The following FAM110B variants were observed in gnomAD, a reference collection of about 807,000 sequenced individuals.
The protein encoded by FAM110B is protein FAM110B.
FAM110B carries 6 observed loss-of-function variants against 20.4 expected under a neutral mutation model. That is an observed-to-expected ratio of 0.29 (90% CI 0.16 to 0.58). The LOEUF (loss-of-function observed/expected upper bound fraction) is 0.58. FAM110B is among the 20% of genes least tolerant of loss of function. FAM110B has a pLI of 0.90. For missense variants in FAM110B, 434 were observed against 498.2 expected (o/e 0.87, Z 1.23); for synonymous variants, 226 against 214.1 (o/e 1.06, Z -0.49).
chr8:58,046,879 T>C (rs1805329652), intron 2 of FAM110B, among the ~76,000 whole-genome samples: 1 of 152,166 alleles, frequency 6.6e-6, no homozygotes, highest in Non-Finnish European at 1.5e-5. Flanking sequence ...GAATGTGCAA[T>C]GTTTGGGTGG....
chr8:58,086,471 T>C (rs754032324), intron 3 of FAM110B, among the ~76,000 whole-genome samples: 2 of 152,234 alleles, frequency 1.3e-5, no homozygotes. Context: ...AACCATTTTA[T>C]GATTATTAGA....
At chr8:58,027,281 C>T (rs1040852407) in intron 1 of FAM110B, among the ~76,000 whole-genome samples, 24 of 151,980 alleles carry the variant, frequency 1.6e-4, no homozygotes, top group African/African-American at 5.8e-4. Context: ...ATTGGTTTTT[C>T]TTTTTTGTGG....
At chr8:58,111,388 T>A (rs977236491) in intron 3 of FAM110B, among the ~76,000 whole-genome samples, 1 of 152,214 alleles carries the variant, frequency 6.6e-6, no homozygotes, top group African/African-American at 2.4e-5. Flanking sequence ...ACTCAGTAGA[T>A]TCAAAGCAGG....
At position 58,147,211 on chromosome 8, in the gene FAM110B, C is replaced by T; in HGVS notation, c.981C>T (p.Asp327=). ...DCEQSQDSNS[D]LRNDDSANDR... is the part of the protein sequence containing the mutation. ...AACAGTCTCAGGACAGTAACAGTGA[C>T]CTTAGAAATGATGACAGTGCCAATG... The change falls in exon 4 of 4, where the codon GAC becomes GAT. Residue 327 remains aspartate (D), a synonymous_variant. Transcript: ENST00000519262. 6.2e-7 allele frequency: 1 copy of T among 1,614,094 alleles called. No individual in the cohort carries two copies. The highest frequency in any genetic ancestry group is 8.5e-7 in the Non-Finnish European group (1 of 1,180,014).
chr8:58,119,917 T>C (rs1287304161), intron 3 of FAM110B, among the ~76,000 whole-genome samples: 1 of 152,236 alleles, frequency 6.6e-6, no homozygotes, highest in African/African-American at 2.4e-5. Flanking sequence ...AAACCAAGAC[T>C]CAGGTTTGAG....
chr8:58,098,301 G>T (rs904167207), intron 3 of FAM110B, among the ~76,000 whole-genome samples: 7 of 152,202 alleles, frequency 4.6e-5, no homozygotes, highest in African/African-American at 1.4e-4. Flanking sequence ...GCTGCAGTGG[G>T]CTCCACCCAG....
At chr8:58,072,075 G>A (rs1238111017) in intron 2 of FAM110B, among the ~76,000 whole-genome samples, 2 of 152,186 alleles carry the variant, frequency 1.3e-5, no homozygotes, top group Non-Finnish European at 2.9e-5. Flanking sequence ...CGAATCAACA[G>A]TTAGGCTTGG....
chr8:58,062,423 C>T (rs560243486), intron 2 of FAM110B, among the ~76,000 whole-genome samples: 2 of 152,252 alleles, frequency 1.3e-5, no homozygotes, highest in African/African-American at 4.8e-5. Flanking sequence ...TAAACAGACT[C>T]CATTTGCACA....
intron 1 of FAM110B, among the ~76,000 whole-genome samples, chr8:58,015,508 T>C (rs1211552260): frequency 6.6e-6 from 1 of 152,058 alleles, no homozygotes; most frequent in African/African-American, 2.4e-5. Flanking sequence ...TAGTCTTAGG[T>C]CCTTAAGTAA....
rs768685073 is a variant in FAM110B at position 58,146,438 on chromosome 8, G to A, written c.208G>A (p.Ala70Thr). The stretch of plus-strand genomic sequence containing the variant: ...CGTCAAGAGCCAGGAGGTGATCAAC[G>A]CCAAGCAGGAGCCCGTGAAGCCCGC... ...KYVKSQEVIN[A>T]KQEPVKPAVL... The change falls in exon 4 of 4, where the codon GCC becomes ACC. Residue 70 changes from alanine to threonine, a missense_variant. Coordinates refer to ENST00000519262, the MANE Select transcript of FAM110B (RefSeq NM_001377989.1). The A allele has an allele frequency of 1.2e-5, 20 of 1,613,730 alleles. No individual in the cohort carries two copies. Among genetic ancestry groups the A allele is most frequent in the Non-Finnish European group, 1.6e-5 (19 of 1,179,776 alleles).
At chr8:58,105,651 C>T (rs901498009) in intron 3 of FAM110B, among the ~76,000 whole-genome samples, 10 of 141,678 alleles carry the variant, frequency 7.1e-5, no homozygotes, top group African/African-American at 2.7e-4. Flanking sequence ...TCATTGCAAG[C>T]TCCGCCTCCC....
At chr8:58,023,128 T>A (rs551066937) in intron 1 of FAM110B, among the ~76,000 whole-genome samples, 49 of 152,338 alleles carry the variant, frequency 3.2e-4, no homozygotes, top group South Asian at 4.1e-4. Flanking sequence ...GTTGACTTAA[T>A]TTCTTGGCAT....
At chr8:58,064,722 T>C (rs1805727714) in intron 2 of FAM110B, among the ~76,000 whole-genome samples, 1 of 152,222 alleles carries the variant, frequency 6.6e-6, no homozygotes, top group Non-Finnish European at 1.5e-5. Flanking sequence ...TTAACTCATT[T>C]AATCCACACA....
chr8:58,047,746 ATGAC>A (rs1162849644), intron 2 of FAM110B, among the ~76,000 whole-genome samples: 1 of 152,064 alleles, frequency 6.6e-6, no homozygotes, highest in Non-Finnish European at 1.5e-5. Flanking sequence ...GTTTTGGTAA[ATGAC>A]TGATCTCTTG....
chr8:58,103,242 T>G (rs2150612922), intron 3 of FAM110B, among the ~76,000 whole-genome samples: 1 of 152,152 alleles, frequency 6.6e-6, no homozygotes, highest in South Asian at 2.1e-4. Context: ...TACATATGTA[T>G]ACATGTGCCA....
intron 2 of FAM110B, among the ~76,000 whole-genome samples, chr8:58,043,702 C>T (rs1042354760): frequency 4.6e-5 from 7 of 152,142 alleles, no homozygotes; most frequent in South Asian, 2.1e-4. Flanking sequence ...AGAACCAATA[C>T]GAAATCCAAA....
chr8:58,010,788 G>A (rs979486466), intron 1 of FAM110B, among the ~76,000 whole-genome samples: 2 of 152,160 alleles, frequency 1.3e-5, no homozygotes, highest in Non-Finnish European at 2.9e-5. Context: ...ATAAAGAATG[G>A]CTTAATTGTT....
chr8:58,011,312 C>A (rs1316246591), intron 1 of FAM110B, among the ~76,000 whole-genome samples: 1 of 152,196 alleles, frequency 6.6e-6, no homozygotes, highest in East Asian at 1.9e-4. Flanking sequence ...CCCCTCCTAA[C>A]ACATTTGCCA....
chr8:58,005,629 G>A (rs1043241219), intron 1 of FAM110B, among the ~76,000 whole-genome samples: 6 of 152,156 alleles, frequency 3.9e-5, no homozygotes, highest in African/African-American at 1.4e-4. Flanking sequence ...CAGTGGTGTC[G>A]TTGATACCCC....
Sources: allele counts gnomAD v4.1 joint callset (sites outside exome capture counted in the v4.1 genomes callset), GRCh38; gene constraint gnomAD v4.1.1; transcripts MANE v1.5; gene names NCBI Gene and HGNC (gene_info 2026-07-23, HGNC 2026-07-21).